The following MYO3B variants were observed in gnomAD, a reference collection of about 807,000 sequenced individuals.
MYO3B encodes the protein myosin IIIB.
MYO3B carries 156 observed loss-of-function variants against 174.6 expected under a neutral mutation model. That is an observed-to-expected ratio of 0.89 (90% CI 0.78 to 1.02). MYO3B has a LOEUF of 1.02. MYO3B is among the 50% of genes least tolerant of loss of function. The probability of loss-of-function intolerance (pLI) is 0.00; values close to 1 mark genes in which losing one functional copy is unlikely to be tolerated. For synonymous variants in MYO3B, 563 were observed against 569.1 expected (o/e 0.99, Z 0.15); for missense variants, 1,632 against 1,639.4 (o/e 1.00, Z 0.08).
chr2:170,249,594 A>C (rs2093229787), intron 7 of MYO3B, among the ~76,000 whole-genome samples: 1 of 152,216 alleles, frequency 6.6e-6, no homozygotes, highest in Admixed American at 6.5e-5. Flanking sequence ...AAAACAAGAA[A>C]AACAAGAAAC....
chr2:170,634,548 C>A (rs1396956119), intron 32 of MYO3B, among the ~76,000 whole-genome samples: 1 of 152,180 alleles, frequency 6.6e-6, no homozygotes, highest in African/African-American at 2.4e-5. Context: ...CCATTCAGGA[C>A]ATAGGCATGG....
intron 1 of MYO3B, among the ~76,000 whole-genome samples, chr2:170,188,793 T>A (rs527600365): frequency 1.3e-5 from 2 of 152,290 alleles, no homozygotes; most frequent in Admixed American, 1.3e-4. Flanking sequence ...GCTGTTCATA[T>A]CTTATTGTAC....
chr2:170,635,817 G>GAGAA (rs1347739986), intron 32 of MYO3B, among the ~76,000 whole-genome samples: 3 of 152,102 alleles, frequency 2.0e-5, no homozygotes, highest in African/African-American at 7.2e-5. Context: ...GTCTAAAAAA[G>GAGAA]AGAAAGAGAA....
At position 170,500,895 on chromosome 2, in the gene MYO3B, ATG is replaced by A. The variant is rs529669566; in HGVS notation, c.3290-886_3290-885del. ...AGTCAGTGCCTCTTTGTTTACGTAT[ATG>A]TGTTATTAGTGTTACACACAACATT... On this transcript the variant is annotated intron_variant, in intron 27 of 34. Transcript: ENST00000408978. 1.8e-3 allele frequency among the ~76,000 whole-genome samples: 204 copies of A among 112,534 alleles called. 1 individual carries two copies. The highest frequency in any genetic ancestry group is 0.017 in the Admixed American group (177 of 10,130). The allele number at this position is 112,534 out of a possible 152,430, so 73.8% of individuals were successfully genotyped here.
chr2:170,509,300 T>G (rs1687818751), intron 28 of MYO3B, among the ~76,000 whole-genome samples: 1 of 152,134 alleles, frequency 6.6e-6, no homozygotes, highest in Admixed American at 6.5e-5. Context: ...TAGGTTGCAG[T>G]GAGCCAAGAT....
chr2:170,506,449 G>A (rs1687627534), intron 28 of MYO3B, among the ~76,000 whole-genome samples: 1 of 152,210 alleles, frequency 6.6e-6, no homozygotes, highest in Admixed American at 6.5e-5. Context: ...TACGTGTGCA[G>A]GACAACTATA....
At chr2:170,587,527 C>G (rs1693562429) in intron 32 of MYO3B, among the ~76,000 whole-genome samples, 1 of 152,178 alleles carries the variant, frequency 6.6e-6, no homozygotes, top group African/African-American at 2.4e-5. Context: ...TCCACCATAG[C>G]TATGATCTTG....
chr2:170,527,616 G>A (rs1307922078), intron 30 of MYO3B, among the ~76,000 whole-genome samples: 1 of 152,170 alleles, frequency 6.6e-6, no homozygotes. Flanking sequence ...TGTCTGCAGA[G>A]CACCATCTAG....
intron 32 of MYO3B, among the ~76,000 whole-genome samples, chr2:170,636,870 A>G (rs1559186788): frequency 1.7e-5 from 2 of 116,158 alleles, no homozygotes; most frequent in African/African-American, 3.0e-5. Context: ...CTCCTGGAAT[A>G]TGTTCATTTG....
intron 1 of MYO3B, among the ~76,000 whole-genome samples, chr2:170,181,177 A>T (rs2092394359): frequency 6.6e-6 from 1 of 152,116 alleles, no homozygotes; most frequent in Admixed American, 6.5e-5. Flanking sequence ...GTGTAAGGAT[A>T]AAGATTCTTT....
intron 25 of MYO3B, among the ~76,000 whole-genome samples, chr2:170,477,323 G>C (rs1054411112): frequency 6.6e-6 from 1 of 152,132 alleles, no homozygotes; most frequent in Non-Finnish European, 1.5e-5. Context: ...ACTAGTTGTT[G>C]CTCCATCCTC....
chr2:170,401,752 G>C lies in MYO3B; in HGVS notation c.2129+61G>C. ...CTGTCATTGACCCCGCCGTCTCTTA[G>C]AGTTTGCAAAAGGAAGCATTTGGTC... is the stretch of plus-strand genomic sequence containing the variant. On this transcript the variant is annotated intron_variant, in intron 18 of 34. Transcript: ENST00000408978. The C allele has an allele frequency of 8.9e-6, 13 of 1,464,430 alleles. No individual in the cohort carries two copies. In the South Asian group the frequency reaches 1.5e-4, roughly 17 times the overall value. The allele number at this position is 1,464,430 out of a possible 1,614,324, so 90.7% of individuals were successfully genotyped here. A position where few individuals can be genotyped will look rare whatever the true frequency, so the allele number is the denominator to read the frequency against.
At chr2:170,533,433 G>A (rs879810792) in intron 30 of MYO3B, among the ~76,000 whole-genome samples, 2 of 148,208 alleles carry the variant, frequency 1.3e-5, no homozygotes, top group African/African-American at 2.5e-5. Flanking sequence ...GGTGGGGGGG[G>A]GGTGTGCAGT....
chr2:170,198,072 G>A (rs1406282212), intron 1 of MYO3B, among the ~76,000 whole-genome samples: 17 of 150,448 alleles, frequency 1.1e-4, no homozygotes, highest in Admixed American at 1.1e-3. Flanking sequence ...AGATATGGGT[G>A]AATGATCAGA....
At chr2:170,630,056 C>G (rs1282169172) in intron 32 of MYO3B, among the ~76,000 whole-genome samples, 2 of 152,186 alleles carry the variant, frequency 1.3e-5, no homozygotes, top group African/African-American at 4.8e-5. Context: ...TGAGACTGGT[C>G]AGAAAGTGGG....
chr2:170,619,149 A>G (rs1212244234), intron 32 of MYO3B, among the ~76,000 whole-genome samples: 1 of 152,174 alleles, frequency 6.6e-6, no homozygotes, highest in Admixed American at 6.5e-5. Context: ...TCTTATCCAT[A>G]TGGACAGGCG....
intron 6 of MYO3B, among the ~76,000 whole-genome samples, chr2:170,227,373 C>T (rs571526819): frequency 2.3e-4 from 35 of 152,288 alleles, no homozygotes; most frequent in Admixed American, 1.2e-3. Flanking sequence ...CGACCTCCAC[C>T]TCCAGGTCTC....
At chr2:170,260,463 A>G (rs2093337323) in intron 7 of MYO3B, among the ~76,000 whole-genome samples, 2 of 152,242 alleles carry the variant, frequency 1.3e-5, no homozygotes, top group African/African-American at 4.8e-5. Flanking sequence ...ACAGAAAACT[A>G]AATGCCATAT....
At chr2:170,499,386 G>A (rs192057162) in intron 26 of MYO3B, among the ~76,000 whole-genome samples, 3 of 152,266 alleles carry the variant, frequency 2.0e-5, no homozygotes, top group Non-Finnish European at 4.4e-5. Context: ...TGACTGACAT[G>A]AGACAGGCCT....
Sources: allele counts gnomAD v4.1 joint callset (sites outside exome capture counted in the v4.1 genomes callset), GRCh38; gene constraint gnomAD v4.1.1; transcripts MANE v1.5; gene names NCBI Gene and HGNC (gene_info 2026-07-23, HGNC 2026-07-21).